Variants in ZRANB3 observed in about 807,000 individuals in gnomAD.
The protein encoded by ZRANB3 is DNA annealing helicase and endonuclease ZRANB3.
ZRANB3 carries 125 observed loss-of-function variants against 133.8 expected under a neutral mutation model. The ratio of observed to expected loss-of-function variants is 0.93; its 90% confidence interval spans 0.81 to 1.08. The LOEUF is 1.08. ZRANB3 is among the 50% of genes least tolerant of loss of function. ZRANB3 has a pLI of 0.00. For missense variants in ZRANB3, 1,229 were observed against 1,275.5 expected (o/e 0.96, Z 0.56); for synonymous variants, 387 against 432.7 (o/e 0.89, Z 1.31).
At chr2:135,397,001 C>T (rs1390328635) in intron 2 of ZRANB3, among the ~76,000 whole-genome samples, 1 of 151,878 alleles carries the variant, frequency 6.6e-6, no homozygotes, top group Non-Finnish European at 1.5e-5. Flanking sequence ...GTTATCCACG[C>T]CTGTAGTCTC....
At chr2:135,219,530 A>G (rs182798768) in intron 15 of ZRANB3, among the ~76,000 whole-genome samples, 50 of 152,384 alleles carry the variant, frequency 3.3e-4, no homozygotes, top group African/African-American at 1.1e-3. Context: ...AAATTAATAT[A>G]GAAGAATATT....
chr2:135,446,643 TAAG>T (rs1241738486), intron 2 of ZRANB3, among the ~76,000 whole-genome samples: 1 of 152,008 alleles, frequency 6.6e-6, no homozygotes, highest in Non-Finnish European at 1.5e-5. Flanking sequence ...GGACAGAAAA[TAAG>T]AAGGAGCAAG....
At chr2:135,236,715 C>G (rs1047482141) in intron 12 of ZRANB3, among the ~76,000 whole-genome samples, 1 of 152,088 alleles carries the variant, frequency 6.6e-6, no homozygotes, top group Admixed American at 6.5e-5. Context: ...ATAAATGGTG[C>G]TGGGAAAACT....
intron 2 of ZRANB3, among the ~76,000 whole-genome samples, chr2:135,448,774 G>C (rs1690140143): frequency 6.6e-6 from 1 of 152,170 alleles, no homozygotes. Flanking sequence ...GTAAAGAAGG[G>C]GAGAGGACCC....
intron 2 of ZRANB3, among the ~76,000 whole-genome samples, chr2:135,487,378 A>C (rs911571631): frequency 1.3e-5 from 2 of 152,208 alleles, no homozygotes; most frequent in African/African-American, 4.8e-5. Flanking sequence ...GCTTCACCTT[A>C]AAGTCACCAG....
In ZRANB3 at chr2:135,490,910, C is replaced by T. The variant is rs1024484968; in HGVS notation, c.161+13419G>A. Among the ~76,000 whole-genome samples the T allele has an allele frequency of 5.3e-5, 8 of 152,170 alleles. No individual in the cohort carries two copies. In the East Asian group the frequency reaches 1.3e-3, roughly 26 times the overall value. The stretch of plus-strand genomic sequence containing the variant: ...CACAGAAAGACAAATATCACATGTT[C>T]GCACTCATATGTGGGAGCTCAAAAA... On this transcript the variant is annotated intron_variant, in intron 2 of 20. Coordinates refer to ENST00000264159, the MANE Select transcript of ZRANB3 (RefSeq NM_032143.4).
intron 12 of ZRANB3, among the ~76,000 whole-genome samples, chr2:135,247,173 G>A (rs956463595): frequency 1.3e-5 from 2 of 152,174 alleles, no homozygotes; most frequent in Non-Finnish European, 2.9e-5. Context: ...GGGTGATTGG[G>A]ACATCATGCT....
chr2:135,386,917 C>T (rs1288785302), intron 3 of ZRANB3, among the ~76,000 whole-genome samples: 2 of 151,010 alleles, frequency 1.3e-5, no homozygotes, highest in African/African-American at 4.9e-5. Flanking sequence ...GTGCAGCAAA[C>T]CAACATGGCA....
intron 8 of ZRANB3, among the ~76,000 whole-genome samples, chr2:135,278,784 A>T (rs1208004579): frequency 3.3e-5 from 5 of 152,198 alleles, no homozygotes; most frequent in African/African-American, 7.2e-5. Flanking sequence ...TCCATAGCAT[A>T]CCATGTTTCA....
intron 2 of ZRANB3, among the ~76,000 whole-genome samples, chr2:135,396,860 T>A (rs1166630057): frequency 1.3e-5 from 2 of 152,132 alleles, no homozygotes; most frequent in Admixed American, 1.3e-4. Flanking sequence ...AGGTGATACA[T>A]CTGCTTATTA....
intron 17 of ZRANB3, among the ~76,000 whole-genome samples, chr2:135,212,821 C>T (rs1004921355): frequency 6.6e-6 from 1 of 152,162 alleles, no homozygotes; most frequent in African/African-American, 2.4e-5. Context: ...ATCTTGGGCT[C>T]TGGATTTCTG....
intron 2 of ZRANB3, among the ~76,000 whole-genome samples, chr2:135,406,558 T>A (rs1175055310): frequency 2.0e-5 from 3 of 152,160 alleles, no homozygotes; most frequent in African/African-American, 4.8e-5. Context: ...TGAACATCGA[T>A]GCAAAAATCC....
intron 12 of ZRANB3, among the ~76,000 whole-genome samples, chr2:135,250,569 CTGCGTT>C (rs1251467631): frequency 6.6e-6 from 1 of 152,226 alleles, no homozygotes; most frequent in South Asian, 2.1e-4. Context: ...GGTCCCTGTG[CTGCGTT>C]CAGCCTAGGG....
intron 2 of ZRANB3, among the ~76,000 whole-genome samples, chr2:135,435,627 T>C (rs1254924065): frequency 6.6e-6 from 1 of 152,196 alleles, no homozygotes; most frequent in African/African-American, 2.4e-5. Flanking sequence ...ATGTGTTTCC[T>C]TTTCTCCGTA....
chr2:135,507,797 A>G (rs895975196), intron 1 of ZRANB3, among the ~76,000 whole-genome samples: 3 of 151,808 alleles, frequency 2.0e-5, no homozygotes. Flanking sequence ...CTTACAAAAG[A>G]TCATAAAATT....
intron 19 of ZRANB3, 123 bp from the exon 20 acceptor site, chr2:135,203,086 G>C: frequency 9.2e-7 from 1 of 1,086,162 alleles, no homozygotes. Context: ...CATCAGGAGA[G>C]CTTTTTATAG....
chr2:135,476,130 T>A (rs1208687062), intron 2 of ZRANB3, among the ~76,000 whole-genome samples: 1 of 152,138 alleles, frequency 6.6e-6, no homozygotes, highest in African/African-American at 2.4e-5. Context: ...GCTGATCTAA[T>A]AAAAGTTAAA....
At chr2:135,341,020 A>T (rs1184831594) in intron 6 of ZRANB3, among the ~76,000 whole-genome samples, 1 of 143,872 alleles carries the variant, frequency 7.0e-6, no homozygotes, top group Non-Finnish European at 1.5e-5. Flanking sequence ...ACAACTGACT[A>T]TTTATTGATT....
At chr2:135,474,954 A>C (rs1277066500) in intron 2 of ZRANB3, among the ~76,000 whole-genome samples, 1 of 152,140 alleles carries the variant, frequency 6.6e-6, no homozygotes, top group Non-Finnish European at 1.5e-5. Context: ...ATCCAAAAAC[A>C]CACCACCCTT....
Sources: allele counts gnomAD v4.1 joint callset (sites outside exome capture counted in the v4.1 genomes callset), GRCh38; gene constraint gnomAD v4.1.1; transcripts MANE v1.5; gene names NCBI Gene and HGNC (gene_info 2026-07-23, HGNC 2026-07-21).